The following SLC35F4 variants were observed in gnomAD, a reference collection of about 807,000 sequenced individuals.
SLC35F4 encodes solute carrier family 35 member F4.
A neutral mutation model predicts 44.2 loss-of-function variants in SLC35F4; 24 were observed. The ratio of observed to expected loss-of-function variants is 0.54; its 90% CI spans 0.39 to 0.76. The LOEUF (loss-of-function observed/expected upper bound fraction) is 0.76. Ranked by LOEUF, SLC35F4 falls within the 30% of genes least tolerant of loss-of-function variation. The pLI is 0.00. For synonymous variants in SLC35F4, 238 were observed against 223.6 expected, an observed-to-expected ratio of 1.06 and a Z score of -0.57; for missense variants, 562 against 586.1, an observed-to-expected ratio of 0.96 and a Z score of 0.42.
At chr14:57,628,243 A>T (rs972272822) in intron 1 of SLC35F4, among the ~76,000 whole-genome samples, 6 of 128,966 alleles carry the variant, frequency 4.7e-5, no homozygotes, top group Admixed American at 3.4e-4. Context: ...ATATGACTGA[A>T]TTTTTTTTTT....
At chr14:57,922,847 T>C (rs915478349) in intron 1 of SLC35F4, among the ~76,000 whole-genome samples, 2 of 152,232 alleles carry the variant, frequency 1.3e-5, no homozygotes, top group Non-Finnish European at 2.9e-5. Flanking sequence ...TCCTCTAACA[T>C]AGCTGATTCT....
intron 1 of SLC35F4, among the ~76,000 whole-genome samples, chr14:57,820,382 G>C (rs145092794): frequency 6.6e-6 from 1 of 152,182 alleles, no homozygotes; most frequent in Non-Finnish European, 1.5e-5. Flanking sequence ...CAAAATGTGA[G>C]TCTGGGTAAG....
intron 1 of SLC35F4, among the ~76,000 whole-genome samples, chr14:57,818,927 T>C (rs1057025763): frequency 1.3e-4 from 20 of 152,318 alleles, no homozygotes; most frequent in Non-Finnish European, 2.4e-4. Flanking sequence ...ATGGCAAGCA[T>C]CACATTGAAT....
chr14:57,723,021 C>A (rs2076121060), intron 1 of SLC35F4, among the ~76,000 whole-genome samples: 1 of 152,148 alleles, frequency 6.6e-6, no homozygotes, highest in Non-Finnish European at 1.5e-5. Flanking sequence ...GGTAACTGTG[C>A]ACTGGGGAAA....
intron 1 of SLC35F4, among the ~76,000 whole-genome samples, chr14:57,605,813 A>T (rs1228081972): frequency 6.6e-6 from 1 of 152,190 alleles, no homozygotes; most frequent in Non-Finnish European, 1.5e-5. Flanking sequence ...CCTTGCAACA[A>T]CACAGATACA....
chr14:57,801,316 C>T (rs4898952), intron 1 of SLC35F4, among the ~76,000 whole-genome samples: 56,017 of 152,006 alleles, frequency 0.37, 10,732 homozygotes, highest in Admixed American at 0.48. Context: ...CAAGCAAATG[C>T]TTACGGAATT....
chr14:57,857,965 C>CA (rs1887283016), intron 1 of SLC35F4, among the ~76,000 whole-genome samples: 1 of 151,978 alleles, frequency 6.6e-6, no homozygotes. Context: ...AAATGCAAAT[C>CA]AAAACCACAG....
At position 57,582,000 on chromosome 14, in the gene SLC35F4, C is replaced by A. The variant is rs1353707368; in HGVS notation, c.588-567G>T. Reference sequence around the variant, plus strand: ...GAAAAATGAAGTCCCTGTGATAACTCCCACATGATAAAAACTATAATAGAA... The same window carrying A: ...GAAAAATGAAGTCCCTGTGATAACTACCACATGATAAAAACTATAATAGAA... On this transcript the variant is annotated intron_variant, in intron 3 of 7. Transcript: ENST00000556826. Among the ~76,000 whole-genome samples, 5 of 152,106 alleles carry A rather than the reference C, an allele frequency of 3.3e-5. No individual in the cohort carries two copies. In the East Asian group the frequency reaches 9.6e-4, roughly 29 times the overall value.
chr14:57,745,402 C>A (rs1306046152), intron 1 of SLC35F4, among the ~76,000 whole-genome samples: 3 of 152,244 alleles, frequency 2.0e-5, no homozygotes, highest in East Asian at 1.9e-4. Flanking sequence ...AATCAAGCAA[C>A]CCCATCAAAA....
At chr14:57,938,826 A>G (rs1274077686) in intron 1 of SLC35F4, among the ~76,000 whole-genome samples, 1 of 152,152 alleles carries the variant, frequency 6.6e-6, no homozygotes, top group Non-Finnish European at 1.5e-5. Flanking sequence ...GGGACATGCT[A>G]CCGATTGGGG....
intron 1 of SLC35F4, among the ~76,000 whole-genome samples, chr14:57,745,776 C>T (rs2076737588): frequency 6.6e-6 from 1 of 152,196 alleles, no homozygotes; most frequent in African/African-American, 2.4e-5. Context: ...TATAAAGACA[C>T]ACGCACCCAT....
chr14:57,683,716 A>G (rs907310916), intron 1 of SLC35F4, among the ~76,000 whole-genome samples: 3 of 152,158 alleles, frequency 2.0e-5, no homozygotes, highest in African/African-American at 7.2e-5. Context: ...GGTCTACTCC[A>G]GTTAAAAAAC....
chr14:57,736,693 G>C (rs1015031404), intron 1 of SLC35F4, among the ~76,000 whole-genome samples: 1 of 152,156 alleles, frequency 6.6e-6, no homozygotes, highest in African/African-American at 2.4e-5. Flanking sequence ...CCATGAACCT[G>C]ACCCTTGTGT....
intron 1 of SLC35F4, among the ~76,000 whole-genome samples, chr14:57,663,734 G>C (rs1160534332): frequency 2.6e-5 from 4 of 152,138 alleles, no homozygotes; most frequent in Admixed American, 6.5e-5. Context: ...CCCACAAATT[G>C]GTCTGCTGGT....
chr14:57,628,776 C>T (rs1276863431), intron 1 of SLC35F4, among the ~76,000 whole-genome samples: 1 of 152,080 alleles, frequency 6.6e-6, no homozygotes, highest in Non-Finnish European at 1.5e-5. Flanking sequence ...AGATAAACTA[C>T]CTGATATGTA....
intron 5 of SLC35F4, among the ~76,000 whole-genome samples, chr14:57,570,624 AT>A (rs1488162753): frequency 2.0e-5 from 3 of 152,150 alleles, no homozygotes; most frequent in Admixed American, 2.0e-4. Flanking sequence ...TATAGTCCAT[AT>A]TTCTTAGCTT....
At chr14:57,875,367 A>G (rs1430567211) in intron 1 of SLC35F4, among the ~76,000 whole-genome samples, 1 of 152,190 alleles carries the variant, frequency 6.6e-6, no homozygotes, top group African/African-American at 2.4e-5. Context: ...TCAAAATAGT[A>G]GTGTTATTGT....
intron 1 of SLC35F4, among the ~76,000 whole-genome samples, chr14:57,717,750 T>C (rs925338547): frequency 5.3e-5 from 8 of 152,216 alleles, no homozygotes; most frequent in African/African-American, 1.7e-4. Flanking sequence ...GGTGTATATA[T>C]ATTTATGGAG....
intron 1 of SLC35F4, among the ~76,000 whole-genome samples, chr14:57,614,714 G>A (rs1190073058): frequency 6.6e-6 from 1 of 152,188 alleles, no homozygotes; most frequent in East Asian, 1.9e-4. Context: ...ATGAGCTCTA[G>A]ATCTCTCTCT....
Sources: allele counts gnomAD v4.1 joint callset (sites outside exome capture counted in the v4.1 genomes callset), GRCh38; gene constraint gnomAD v4.1.1; transcripts MANE v1.5; gene names NCBI Gene and HGNC (gene_info 2026-07-23, HGNC 2026-07-21).